PDP1: variants seen among roughly 807,000 people sequenced by gnomAD.
PDP1 encodes pyruvate dehyrogenase phosphatase catalytic subunit 1.
A neutral mutation model predicts 37.1 loss-of-function variants in PDP1; 14 were observed. That is an observed-to-expected ratio of 0.38 (90% CI 0.25 to 0.59). The LOEUF is 0.59. Among genes scored for constraint, PDP1 ranks in the 20% least tolerant of loss-of-function variants. PDP1 has a pLI of 0.67. For missense variants in PDP1, 544 were observed against 655.3 expected (o/e 0.83, Z 1.85); for synonymous variants, 251 against 243.3 (o/e 1.03, Z -0.29).
At position 93,923,026 on chromosome 8, in the gene PDP1, G is replaced by C. The variant is rs370143029; in HGVS notation, c.967G>C (p.Glu323Gln). 1 of 1,614,198 alleles carries C rather than the reference G, an allele frequency of 6.2e-7. No individual in the cohort carries two copies. Among genetic ancestry groups the C allele is most frequent in the Non-Finnish European group, 8.5e-7 (1 of 1,180,044 alleles). Residue 323 changes from glutamate (E) to glutamine (Q), a missense_variant, in exon 2 of 2, where the codon GAA becomes CAA. Physicochemically the swap from Glu to Gln is conservative, Grantham distance 29. Coordinates refer to ENST00000297598, the MANE Select transcript of PDP1 (RefSeq NM_018444.4). This position sits in a 1 kb window ranked among gnomAD's most constrained non-coding sequence, Gnocchi z 4.3. ...CAATGCTCAAAATGAAAGAGAACTA[G>C]AACGGCTGAAATTGGAACATCCAAA... Reference protein sequence around the residue: ...DHNAQNERELERLKLEHPKSE... With the variant: ...DHNAQNERELQRLKLEHPKSE...
chr8:93,923,407 G>A lies in PDP1; in HGVS notation c.1348G>A (p.Gly450Ser). ...MHHQQPIAVGGYKVTLGQMHG... is the reference protein window; with the variant it reads ...MHHQQPIAVGSYKVTLGQMHG... ...TCACCAACAGCCAATAGCTGTTGGT[G>A]GCTACAAGGTGACTCTGGGACAGAT... Residue 450 changes from glycine to serine, a missense_variant, in exon 2 of 2, where the codon GGC becomes AGC. Physicochemically the swap from Gly to Ser is moderately conservative, Grantham distance 56 (BLOSUM62 0). Transcript: ENST00000297598. The surrounding 1 kb of genome is among the most constrained non-coding windows in gnomAD (Gnocchi z 4.3). 1 of 1,607,142 alleles carries A rather than the reference G, an allele frequency of 6.2e-7. No homozygotes were observed. The highest frequency in any genetic ancestry group is 8.5e-7 in the Non-Finnish European group (1 of 1,175,622).
At chr8:93,917,497 C>A (rs1456007546) in intron 1 of PDP1, among the ~76,000 whole-genome samples, 4 of 151,578 alleles carry the variant, frequency 2.6e-5, no homozygotes, top group Non-Finnish European at 5.9e-5. Flanking sequence ...TGGACTGAAA[C>A]GGGCACCCCT....
chr8:93,920,480 T>A (rs1439336537), intron 1 of PDP1: 2 of 909,390 alleles, frequency 2.2e-6, no homozygotes, highest in South Asian at 5.1e-5. Flanking sequence ...TTTGAAGCAG[T>A]ATCTCAAGAA....
intron 1 of PDP1, among the ~76,000 whole-genome samples, chr8:93,919,483 C>T (rs935506314): frequency 8.2e-6 from 1 of 121,952 alleles, no homozygotes; most frequent in African/African-American, 3.1e-5. Context: ...ATTCCTCCCC[C>T]CGCTGCCCTC....
At position 93,923,544 on chromosome 8, in the gene PDP1, T is replaced by C; in HGVS notation, c.1485T>C (p.Val495=). ...TGGGCAACAACGAGTTTGGGACTGT[T>C]GATCATGAGCGCCTCTCTAAAATGC... ...HAVGNNEFGT[V]DHERLSKMLS... is the part of the protein sequence containing the mutation. Residue 495 remains valine (V), a synonymous_variant, in exon 2 of 2, where the codon GTT becomes GTC. Transcript: ENST00000297598. This position sits in a 1 kb window ranked among gnomAD's most constrained non-coding sequence, Gnocchi z 4.3. 2 of 1,611,722 alleles carry C rather than the reference T, an allele frequency of 1.2e-6. No individual in the cohort carries two copies. Among genetic ancestry groups the C allele is most frequent in the Non-Finnish European group, 1.7e-6 (2 of 1,177,846 alleles).
chr8:93,917,787 C>T, intron 1 of PDP1: 3 of 1,574,298 alleles, frequency 1.9e-6, no homozygotes, highest in African/African-American at 2.7e-5. Flanking sequence ...TCCTCCGCTC[C>T]CGCCTCCCCG....
chr8:93,920,810 ATT>A (rs1810246345), intron 1 of PDP1: 3 of 684,768 alleles, frequency 4.4e-6, no homozygotes, highest in Non-Finnish European at 5.4e-6. Context: ...AATATTATAT[ATT>A]TATGGGGTAC....
At position 93,917,970 on chromosome 8, in the gene PDP1, G is replaced by T. The variant is rs770269394; in HGVS notation, c.-45+891G>T. 32 of 1,613,370 alleles carry T rather than the reference G, an allele frequency of 2.0e-5. No homozygotes were observed. In the South Asian group the frequency reaches 2.2e-4, roughly 11 times the overall value. ...GGTAGGTATTCACTTAACTACCTGC[G>T]TTGGGTACCCAGGAAGGATGGTGAC... On this transcript the variant is annotated intron_variant, in intron 1 of 1. Transcript: ENST00000297598.
At chr8:93,918,531 A>T (rs1202371664) in intron 1 of PDP1, among the ~76,000 whole-genome samples, 1 of 152,190 alleles carries the variant, frequency 6.6e-6, no homozygotes, top group Non-Finnish European at 1.5e-5. Context: ...TTTCTTTATT[A>T]GTCATTGGCA....
Position 93,923,670 on chromosome 8 carries a change from A to G in PDP1, c.1611A>G (p.Glu537=), listed in dbSNP as rs2130392489. 6.2e-7 allele frequency: 1 copy of G among 1,610,700 alleles called. No homozygotes were observed. The highest frequency in any genetic ancestry group is 8.5e-7 in the Non-Finnish European group (1 of 1,176,958). The part of the protein sequence containing the change: ...SHVVGAYQNQ[E] ...TTGTAGGGGCGTATCAAAACCAAGA[A>G]TAGTGAGTGGCTCTTTCACTGGCAA... Residue 537 remains glutamate, a synonymous_variant, in exon 2 of 2, where the codon GAA becomes GAG. Transcript: ENST00000297598. This position sits in a 1 kb window ranked among gnomAD's most constrained non-coding sequence, Gnocchi z 4.3.
At chr8:93,919,112 G>A (rs1480862206) in intron 1 of PDP1, 2 of 978,028 alleles carry the variant, frequency 2.0e-6, no homozygotes, top group Non-Finnish European at 2.4e-6. Flanking sequence ...TGCCTTGAAG[G>A]AAAAATGTAG....
At chr8:93,917,848 C>G in intron 1 of PDP1, 1 of 1,613,542 alleles carries the variant, frequency 6.2e-7, no homozygotes, top group South Asian at 1.1e-5. Context: ...TGGGCCGGTG[C>G]TGCTGTCGCT....
At position 93,925,903 on chromosome 8, in the gene PDP1, T is replaced by A. The variant is rs767751976; in HGVS notation, c.*2230T>A. On this transcript the variant is annotated 3_prime_UTR_variant, in exon 2 of 2. Coordinates refer to ENST00000297598, the MANE Select transcript of PDP1 (RefSeq NM_018444.4). ...TTAATCAGTGGTTCATGTTATATAATACACCCTTAACTAGTTAAATGGAAT... is the reference window on the plus strand; with the variant it reads ...TTAATCAGTGGTTCATGTTATATAAAACACCCTTAACTAGTTAAATGGAAT... 6.0e-6 allele frequency: 1 copy of A among 167,020 alleles called. No homozygotes were observed. The highest frequency in any genetic ancestry group is 1.5e-5 in the Non-Finnish European group (1 of 68,108). The allele number at this position is 167,020 out of a possible 1,614,324, so 10.3% of individuals were successfully genotyped here. A position where few individuals can be genotyped will look rare whatever the true frequency, so the allele number is the denominator to read the frequency against.
Position 93,924,848 on chromosome 8 carries a change from A to G in PDP1, c.*1175A>G, listed in dbSNP as rs1810390268. 5 of 167,132 alleles carry G rather than the reference A, an allele frequency of 3.0e-5. No homozygotes were observed. The Admixed American group carries it at 3.3e-4, about 11-fold the overall frequency. 10.4% of individuals were successfully genotyped at this position (167,132 alleles called of 1,614,324 possible). A position where few individuals can be genotyped will look rare whatever the true frequency, so the allele number is the denominator to read the frequency against. On this transcript the variant is annotated 3_prime_UTR_variant, in exon 2 of 2. Transcript: ENST00000297598. ...TAACTACTGTGCATGCCTGATGCTT[A>G]ATAGAATACTTAGTGGCATCAAATG...
At chr8:93,918,460 T>C (rs1370985060) in intron 1 of PDP1, among the ~76,000 whole-genome samples, 1 of 152,214 alleles carries the variant, frequency 6.6e-6, no homozygotes, top group African/African-American at 2.4e-5. Flanking sequence ...TGGCACAGGC[T>C]CTGCTAAGCA....
Position 93,924,056 on chromosome 8 carries a change from C to CT in PDP1, c.*386dup, listed in dbSNP as rs1328899784. 2 of 252,846 alleles carry CT rather than the reference C, an allele frequency of 7.9e-6. No homozygotes were observed. The highest frequency in any genetic ancestry group is 2.0e-4 in the East Asian group (2 of 10,162). The allele number at this position is 252,846 out of a possible 1,614,324, so 15.7% of individuals were successfully genotyped here. A position where few individuals can be genotyped will look rare whatever the true frequency, so the allele number is the denominator to read the frequency against. ...AGTGAAGAAACAGTACTGTTCACAC[C>CT]TTTCTTCACTGAGATTCCAGTGTAC... On this transcript the variant is annotated 3_prime_UTR_variant, in exon 2 of 2. Transcript: ENST00000297598.
Position 93,922,603 on chromosome 8 carries a change from A to G in PDP1, c.544A>G (p.Ser182Gly). The G allele has an allele frequency of 2.5e-6, 4 of 1,614,036 alleles. No individual in the cohort carries two copies. The highest frequency in any genetic ancestry group is 2.5e-6 in the Non-Finnish European group (3 of 1,180,002). ...TLLEIENAVE[S>G]GRALLPILQW... is the part of the protein sequence containing the mutation. ...GCTAGAGATTGAAAATGCAGTGGAG[A>G]GCGGCCGGGCACTGCTACCCATTCT... The change falls in exon 2 of 2, where the codon AGC becomes GGC. Residue 182 changes from serine to glycine, a missense_variant. Around this residue, in one of 5 missense-constraint regions of PDP1, gnomAD observed 342 missense variants for 414.0 expected, o/e 0.83. Transcript: ENST00000297598. The surrounding 1 kb of genome is among the most constrained non-coding windows in gnomAD (Gnocchi z 4.0).
At position 93,922,577 on chromosome 8, in the gene PDP1, T is replaced by C. The variant is rs1173424572; in HGVS notation, c.518T>C (p.Leu173Ser). ...IAVSLLPHET[L>S]LEIENAVESG... is the part of the protein sequence containing the mutation. Reference sequence around the variant, plus strand: ...GTCTCTTTGTTACCCCATGAGACTTTGCTAGAGATTGAAAATGCAGTGGAG... The same window carrying C: ...GTCTCTTTGTTACCCCATGAGACTTCGCTAGAGATTGAAAATGCAGTGGAG... Residue 173 changes from leucine to serine, a missense_variant, in exon 2 of 2, where the codon TTG (leucine) becomes TCG (serine). Leu to Ser is a moderately radical substitution (Grantham distance 145, BLOSUM62 -2). Transcript: ENST00000297598. The surrounding 1 kb of genome is among the most constrained non-coding windows in gnomAD (Gnocchi z 4.0). The C allele has an allele frequency of 1.9e-6, 3 of 1,614,098 alleles. No homozygotes were observed. The highest frequency in any genetic ancestry group is 2.5e-6 in the Non-Finnish European group (3 of 1,180,014).
chr8:93,922,825 C>T lies in PDP1; in HGVS notation c.766C>T (p.Pro256Ser). 1.9e-6 allele frequency: 3 copies of T among 1,614,170 alleles called. No homozygotes were observed. Among genetic ancestry groups the T allele is most frequent in the Non-Finnish European group, 1.7e-6 (2 of 1,180,026 alleles). The change falls in exon 2 of 2, where the codon CCT becomes TCT. Residue 256 changes from proline to serine, a missense_variant. Pro to Ser is a moderately conservative substitution (Grantham distance 74). Around this residue, in one of 5 missense-constraint regions of PDP1, gnomAD observed 342 missense variants for 414.0 expected, o/e 0.83. Coordinates refer to ENST00000297598, the MANE Select transcript of PDP1 (RefSeq NM_018444.4). This position sits in a 1 kb window ranked among gnomAD's most constrained non-coding sequence, Gnocchi z 4.0. ...CTCCTTGGAGGCGCAAGTTGGTGATCCTAATTCTTTTCTCAACTACCTGGT... is the reference window on the plus strand; with the variant it reads ...CTCCTTGGAGGCGCAAGTTGGTGATTCTAATTCTTTTCTCAACTACCTGGT... ...DISLEAQVGD[P>S]NSFLNYLVLR...
Sources: allele counts gnomAD v4.1 joint callset (sites outside exome capture counted in the v4.1 genomes callset), GRCh38; gene constraint gnomAD v4.1.1; regional missense constraint gnomAD v4.1.1; non-coding constraint Gnocchi (gnomAD v3.1); transcripts MANE v1.5; gene names NCBI Gene and HGNC (gene_info 2026-07-23, HGNC 2026-07-21).